Variants in C7 observed in about 807,000 individuals in gnomAD.
C7 encodes the protein complement component C7.
C7 carries 83 observed loss-of-function variants against 104.8 expected under a neutral mutation model. The ratio of observed to expected loss-of-function variants is 0.79; its 90% CI spans 0.66 to 0.95. The LOEUF is 0.95. C7 is among the 40% of genes least tolerant of loss of function. C7 has a pLI of 0.00. For synonymous variants in C7, 415 were observed against 360.6 expected (o/e 1.15, Z -1.71); for missense variants, 1,070 against 1,011.2 (o/e 1.06, Z -0.79).
intron 11 of C7, among the ~76,000 whole-genome samples, chr5:40,959,198 G>C (rs1740368392): frequency 6.6e-6 from 1 of 152,172 alleles, no homozygotes; most frequent in African/African-American, 2.4e-5. Flanking sequence ...AAAGTGCTTT[G>C]AAACAGTTGT....
chr5:40,947,570 A>G (rs1740076441), intron 7 of C7, 32 bp from the exon 8 acceptor site: 1 of 1,609,978 alleles, frequency 6.2e-7, no homozygotes, highest in South Asian at 1.1e-5. Context: ...TCTTCCACCT[A>G]AAACTCCTTG....
chr5:40,943,718 C>CAT (rs3840279), intron 6 of C7, among the ~76,000 whole-genome samples: 17,918 of 151,216 alleles, frequency 0.12, 2,270 homozygotes, highest in African/African-American at 0.32. Flanking sequence ...TACACACAGA[C>CAT]ATATATATAT....
intron 1 of C7, among the ~76,000 whole-genome samples, chr5:40,924,139 C>T (rs1475796453): frequency 1.3e-5 from 2 of 152,168 alleles, no homozygotes; most frequent in South Asian, 4.1e-4. Context: ...AAACAAATTA[C>T]TTACTTCCAA....
chr5:40,981,283 G>A, intron 17 of C7, 109 bp from the exon 18 acceptor site: 1 of 1,042,440 alleles, frequency 9.6e-7, no homozygotes, highest in Non-Finnish European at 1.4e-6. Context: ...GTCATTCCAG[G>A]CAGGAGCTTC....
intron 10 of C7, among the ~76,000 whole-genome samples, chr5:40,955,922 T>C (rs1017848786): frequency 6.6e-6 from 1 of 152,176 alleles, no homozygotes; most frequent in Non-Finnish European, 1.5e-5. Context: ...CCTATCACCT[T>C]TCTTTGTGTG....
intron 14 of C7, among the ~76,000 whole-genome samples, chr5:40,970,133 A>G (rs1297600849): frequency 6.6e-6 from 1 of 152,168 alleles, no homozygotes; most frequent in Non-Finnish European, 1.5e-5. Flanking sequence ...ATTTTTGTAT[A>G]TATTCATGGA....
intron 1 of C7, among the ~76,000 whole-genome samples, chr5:40,912,566 A>ACAAGGTCTCACTATGTTGCC (rs554125738): frequency 6.6e-6 from 1 of 151,718 alleles, no homozygotes; most frequent in African/African-American, 2.4e-5. Flanking sequence ...TTTTGTTGCA[A>ACAAGGTCTCACTATGTTGCC]CAGGCTGGCC....
chr5:40,947,550 T>C, intron 7 of C7, 52 bp from the exon 8 acceptor site: 1 of 1,594,960 alleles, frequency 6.3e-7, no homozygotes, highest in Non-Finnish European at 8.6e-7. Context: ...CTATTTCCAT[T>C]GCCTTTTTAT....
At chr5:40,965,998 T>C (rs13187430) in intron 14 of C7, among the ~76,000 whole-genome samples, 28,338 of 152,068 alleles carry the variant, frequency 0.19, 3,159 homozygotes, top group Middle Eastern at 0.39. Flanking sequence ...CATATGTTCG[T>C]TAGCCATTGG....
At chr5:40,981,318 A>T in intron 17 of C7, 74 bp from the exon 18 acceptor site, 1 of 1,365,188 alleles carries the variant, frequency 7.3e-7, no homozygotes, top group Non-Finnish European at 1.0e-6. Context: ...CCACATTATT[A>T]CTTTGGAGGT....
intron 8 of C7, among the ~76,000 whole-genome samples, chr5:40,948,906 A>G (rs1173773075): frequency 6.6e-6 from 1 of 152,060 alleles, no homozygotes; most frequent in Non-Finnish European, 1.5e-5. Flanking sequence ...ATATTTTTTC[A>G]TTTCCACTGA....
At chr5:40,971,053 CATGTGT>C in intron 14 of C7, among the ~76,000 whole-genome samples, 1 of 152,196 alleles carries the variant, frequency 6.6e-6, no homozygotes, top group South Asian at 2.1e-4. Context: ...CATACGTGTG[CATGTGT>C]CTTTACAGTA....
At chr5:40,918,754 G>A (rs1043192631) in intron 1 of C7, among the ~76,000 whole-genome samples, 1 of 151,562 alleles carries the variant, frequency 6.6e-6, no homozygotes, top group African/African-American at 2.4e-5. Context: ...TATAACAATT[G>A]TAAATATATA....
At position 40,934,456 on chromosome 5, in the gene C7, G is replaced by A. The variant is rs377496290; in HGVS notation, c.270G>A (p.Arg90=). 36 of 1,613,510 alleles carry A rather than the reference G, an allele frequency of 2.2e-5. No individual in the cohort carries two copies. The highest frequency in any genetic ancestry group is 4.4e-5 in the South Asian group (4 of 91,054). The change falls in exon 4 of 18, where the codon AGG becomes AGA. Residue 90 remains arginine, a synonymous_variant. Transcript: ENST00000313164. The part of the protein sequence containing the change: ...PTEEGCGERF[R]CFSGQCISKS... Reference sequence around the variant, plus strand: ...AGGAGGGATGTGGAGAGCGTTTCAGGTGCTTTTCAGGTAACTTGTTTTCCA... The same window carrying A: ...AGGAGGGATGTGGAGAGCGTTTCAGATGCTTTTCAGGTAACTTGTTTTCCA...
intron 3 of C7, among the ~76,000 whole-genome samples, chr5:40,931,991 C>T (rs1362699505): frequency 6.6e-6 from 1 of 152,176 alleles, no homozygotes; most frequent in Non-Finnish European, 1.5e-5. Context: ...ATCTCTTGAT[C>T]TCGTGATCCA....
At chr5:40,919,174 A>G (rs1192891773) in intron 1 of C7, among the ~76,000 whole-genome samples, 5 of 149,212 alleles carry the variant, frequency 3.4e-5, no homozygotes, top group Admixed American at 1.3e-4. Context: ...CCCAGCCTGT[A>G]GTGCAGTGGT....
At chr5:40,911,763 A>G (rs1259131369) in intron 1 of C7, among the ~76,000 whole-genome samples, 2 of 150,086 alleles carry the variant, frequency 1.3e-5, no homozygotes, top group Non-Finnish European at 3.0e-5. Flanking sequence ...TTTTGAGACA[A>G]AGTCTCACTC....
At chr5:40,950,697 T>C (rs981868510) in intron 9 of C7, among the ~76,000 whole-genome samples, 1 of 152,192 alleles carries the variant, frequency 6.6e-6, no homozygotes, top group Non-Finnish European at 1.5e-5. Flanking sequence ...GTATTATAAA[T>C]ATGTTATCAG....
Position 40,976,832 on chromosome 5 carries a change from C to T in C7, c.2157C>T (p.Tyr719=), listed in dbSNP as rs563401809. Residue 719 remains tyrosine, a synonymous_variant, in exon 16 of 18, where the codon TAC becomes TAT. Coordinates refer to ENST00000313164, the MANE Select transcript of C7 (RefSeq NM_000587.4). ...QNSRCVCKMP[Y]ECGPSLDVCA... ...CAAGATGTGTTTGTAAAATGCCCTA[C>T]GAATGTGGGTAAGTGCCGCCTTTGC... The T allele has an allele frequency of 6.9e-5, 111 of 1,601,564 alleles. No individual in the cohort carries two copies. Among genetic ancestry groups the T allele is most frequent in the Middle Eastern group, 1.7e-4 (1 of 6,036 alleles).
Sources: allele counts gnomAD v4.1 joint callset (sites outside exome capture counted in the v4.1 genomes callset), GRCh38; gene constraint gnomAD v4.1.1; transcripts MANE v1.5; gene names NCBI Gene and HGNC (gene_info 2026-07-23, HGNC 2026-07-21).